The following CDH23 variants were observed in gnomAD, a reference collection of about 807,000 sequenced individuals.
The protein encoded by CDH23 is cadherin-23.
Under a neutral mutation model 317.1 loss-of-function variants are expected in CDH23, and 189 were observed. The observed-to-expected ratio is 0.60, with a 90% CI of 0.53 to 0.67. The LOEUF is 0.67. Ranked by LOEUF, CDH23 falls within the 30% of genes least tolerant of loss-of-function variation. The probability of loss-of-function intolerance (pLI) is 0.00; values close to 1 mark genes in which losing one functional copy is unlikely to be tolerated. For synonymous variants in CDH23, 1,839 were observed against 1,876.8 expected (o/e 0.98, Z 0.52); for missense variants, 4,401 against 4,592.4 (o/e 0.96, Z 1.20).
At chr10:71,485,316 C>T (rs553249963) in intron 3 of CDH23, among the ~76,000 whole-genome samples, 2 of 152,306 alleles carry the variant, frequency 1.3e-5, no homozygotes, top group Non-Finnish European at 2.9e-5. Flanking sequence ...TGAGCCACTG[C>T]GCCTGGCTGG....
intron 8 of CDH23, among the ~76,000 whole-genome samples, chr10:71,571,424 T>C (rs1028379551): frequency 6.6e-6 from 1 of 152,200 alleles, no homozygotes; most frequent in African/African-American, 2.4e-5. Flanking sequence ...TAATGCCCAG[T>C]CTTTGGATTT....
At chr10:71,792,736 C>T (rs1839879135) in intron 47 of CDH23, among the ~76,000 whole-genome samples, 1 of 144,508 alleles carries the variant, frequency 6.9e-6, no homozygotes, top group Non-Finnish European at 1.5e-5. Flanking sequence ...GCATAAGAAT[C>T]ACTTGAACCT....
At chr10:71,710,230 C>A (rs556212559) in intron 27 of CDH23, among the ~76,000 whole-genome samples, 3 of 152,218 alleles carry the variant, frequency 2.0e-5, no homozygotes, top group Non-Finnish European at 4.4e-5. Flanking sequence ...TCAAGTGCAG[C>A]GGCATGGAAG....
At position 71,510,121 on chromosome 10, in the gene CDH23, A is replaced by G. The variant is rs1428099571; in HGVS notation, c.185A>G (p.Asn62Ser). Reference protein sequence around the residue: ...VTQLLAQDMDNDPLVFGVSGE... With the variant: ...VTQLLAQDMDSDPLVFGVSGE... ...CAGTTGCTGGCCCAAGACATGGACA[A>G]TGACCCCCTGGTGTTTGGCGTGTCT... is the stretch of plus-strand genomic sequence containing the variant. The change falls in exon 4 of 70, where the codon AAT becomes AGT. Residue 62 changes from asparagine (N) to serine (S), a missense_variant. Coordinates refer to ENST00000224721, the MANE Select transcript of CDH23 (RefSeq NM_022124.6). 1.2e-6 allele frequency: 2 copies of G among 1,614,028 alleles called. No individual in the cohort carries two copies. The highest frequency in any genetic ancestry group is 1.3e-5 in the African/African-American group (1 of 75,062).
chr10:71,575,820 C>T (rs1429648232), intron 8 of CDH23, among the ~76,000 whole-genome samples: 2 of 152,258 alleles, frequency 1.3e-5, no homozygotes, highest in African/African-American at 2.4e-5. Flanking sequence ...GAGCTGTGGG[C>T]TCCCAGGAGC....
rs72184352 is a variant in CDH23 at position 71,760,249 on chromosome 10, A to ATGTATATATG, written c.4846-17422_4846-17421insGTGTATATAT. ...TATATATGTATATACATATATATGT[A>ATGTATATATG]TGTATATATATGTATATACATATAT... is the stretch of plus-strand genomic sequence containing the variant. On this transcript the variant is annotated intron_variant, in intron 38 of 69. Coordinates refer to ENST00000224721, the MANE Select transcript of CDH23 (RefSeq NM_022124.6). Among the ~76,000 whole-genome samples the ATGTATATATG allele has an allele frequency of 7.3e-4, 5 of 6,856 alleles. 2 individuals carry two copies. Among genetic ancestry groups the ATGTATATATG allele is most frequent in the Admixed American group, 2.5e-3 (2 of 812 alleles). The allele number at this position is 6,856 out of a possible 152,430, so 4.5% of individuals were successfully genotyped here.
intron 3 of CDH23, among the ~76,000 whole-genome samples, chr10:71,476,221 T>C (rs543948298): frequency 1.0e-3 from 157 of 152,282 alleles, no homozygotes; most frequent in Non-Finnish European, 1.9e-3. Context: ...GCATCTTTCA[T>C]GCACATGCCC....
At chr10:71,598,801 G>A (rs1387834475) in intron 9 of CDH23, among the ~76,000 whole-genome samples, 2 of 152,276 alleles carry the variant, frequency 1.3e-5, no homozygotes, top group African/African-American at 4.8e-5. Context: ...AGAAGTTTCT[G>A]CCTGTGTGAG....
In CDH23 at chr10:71,473,519, G is replaced by T. The variant is rs1851625003; in HGVS notation, c.145+27124G>T. ...AAGGGCAGGATAATACCAAAGTCAGGATCATGGCTCTTGAGTCAGGCTGCC... is the reference window on the plus strand; with the variant it reads ...AAGGGCAGGATAATACCAAAGTCAGTATCATGGCTCTTGAGTCAGGCTGCC... On this transcript the variant is annotated intron_variant, in intron 3 of 69. Coordinates refer to ENST00000224721, the MANE Select transcript of CDH23 (RefSeq NM_022124.6). 3.3e-5 allele frequency among the ~76,000 whole-genome samples: 5 copies of T among 152,160 alleles called. No individual in the cohort carries two copies. In the South Asian group the frequency reaches 1.0e-3, roughly 32 times the overall value.
chr10:71,635,126 C>G (rs1022156947), intron 11 of CDH23: 1 of 152,476 alleles, frequency 6.6e-6, no homozygotes, highest in Non-Finnish European at 1.5e-5. Flanking sequence ...GTATAAGATT[C>G]CCATAGTGCA....
intron 38 of CDH23, among the ~76,000 whole-genome samples, chr10:71,761,247 C>G (rs1840376058): frequency 6.6e-6 from 1 of 152,196 alleles, no homozygotes; most frequent in Admixed American, 6.5e-5. Context: ...CAGCCATCCA[C>G]TGAGTCATGC....
intron 6 of CDH23, among the ~76,000 whole-genome samples, chr10:71,538,214 G>A (rs185556503): frequency 1.3e-5 from 2 of 152,234 alleles, no homozygotes; most frequent in East Asian, 1.9e-4. Flanking sequence ...GTTCATTTCC[G>A]ATACACTAGG....
Position 71,590,803 on chromosome 10 carries a change from C to G in CDH23, c.832+12811C>G, listed in dbSNP as rs538335921. 4.1e-5 allele frequency among the ~76,000 whole-genome samples: 6 copies of G among 146,966 alleles called. No individual in the cohort carries two copies. The South Asian group carries it at 1.3e-3, about 31-fold the overall frequency. On this transcript the variant is annotated intron_variant, in intron 9 of 69. Transcript: ENST00000224721. ...ATCACTTGAGCCCAGGGGTTCGAAGCTGCAGTGAACTAAGATGGCCCCACT... is the reference window on the plus strand; with the variant it reads ...ATCACTTGAGCCCAGGGGTTCGAAGGTGCAGTGAACTAAGATGGCCCCACT...
chr10:71,561,090 T>C (rs968956625), intron 6 of CDH23, among the ~76,000 whole-genome samples: 2 of 152,112 alleles, frequency 1.3e-5, no homozygotes, highest in African/African-American at 4.8e-5. Context: ...TTAATTTTTG[T>C]ATGTCTTTTC....
intron 3 of CDH23, among the ~76,000 whole-genome samples, chr10:71,469,246 G>A (rs778746166): frequency 7.2e-5 from 11 of 152,146 alleles, no homozygotes; most frequent in South Asian, 2.1e-4. Context: ...TTAAGATAGC[G>A]AACATATCCA....
chr10:71,606,672 T>A (rs1444666249), intron 9 of CDH23, among the ~76,000 whole-genome samples: 1 of 151,774 alleles, frequency 6.6e-6, no homozygotes, highest in East Asian at 1.9e-4. Flanking sequence ...CATAAACAGA[T>A]GGAAGAGAGG....
intron 1 of CDH23, among the ~76,000 whole-genome samples, chr10:71,418,646 G>T (rs571058600): frequency 3.3e-5 from 5 of 152,182 alleles, no homozygotes; most frequent in Admixed American, 2.0e-4. Flanking sequence ...GGGAGATTCC[G>T]TTCTCTGGAT....
chr10:71,488,154 GT>G (rs767545477), intron 3 of CDH23, among the ~76,000 whole-genome samples: 3 of 152,230 alleles, frequency 2.0e-5, no homozygotes, highest in Non-Finnish European at 4.4e-5. Context: ...ACCATCAACA[GT>G]TGTTTTGTGT....
rs546086619 is a variant in CDH23, at chr10:71,611,936, A to T, written c.833-3568A>T. On this transcript the variant is annotated intron_variant, in intron 9 of 69. Transcript: ENST00000224721. ...ATGAACTTGAAGGAATGAGTGAATT[A>T]AAAAAACCAATGAATCTTTGAATGA... 2.6e-5 allele frequency among the ~76,000 whole-genome samples: 4 copies of T among 152,298 alleles called. No homozygotes were observed. The South Asian group carries it at 8.3e-4, about 32-fold the overall frequency.
Sources: gnomAD v4.1 joint callset for allele counts (sites outside exome capture counted in the v4.1 genomes callset) on GRCh38, gnomAD v4.1.1 for gene constraint, MANE v1.5 for transcripts, NCBI Gene and HGNC (gene_info 2026-07-23, HGNC 2026-07-21) for gene names.